Variants in NRXN3 observed in about 807,000 individuals in gnomAD.
NRXN3 encodes neurexin III.
A neutral mutation model predicts 137.6 loss-of-function variants in NRXN3; 32 were observed. The observed-to-expected ratio is 0.23, with a 90% CI of 0.18 to 0.31. The LOEUF (loss-of-function observed/expected upper bound fraction) is 0.31, where lower values mean the gene tolerates loss of function less well. Ranked by LOEUF, NRXN3 falls within the 10% of genes least tolerant of loss-of-function variation. The pLI, the probability that NRXN3 is intolerant of heterozygous loss-of-function variation, is 1.00. For synonymous variants in NRXN3, 798 were observed against 784.5 expected (o/e 1.02, Z -0.29); for missense variants, 1,574 against 2,062.5 (o/e 0.76, Z 4.59).
At chr14:79,050,925 T>C (rs2099640920) in intron 15 of NRXN3, among the ~76,000 whole-genome samples, 1 of 152,216 alleles carries the variant, frequency 6.6e-6, no homozygotes, top group Admixed American at 6.5e-5. Context: ...GCAGAGAGTC[T>C]AATAATAGCT....
intron 4 of NRXN3, among the ~76,000 whole-genome samples, chr14:78,627,026 T>A (rs915708051): frequency 9.2e-5 from 14 of 152,152 alleles, no homozygotes; most frequent in Non-Finnish European, 1.8e-4. Context: ...AATCCAATCT[T>A]CTTTAGCTTG....
intron 16 of NRXN3, among the ~76,000 whole-genome samples, chr14:79,557,549 T>G (rs969618755): frequency 1.3e-5 from 2 of 152,196 alleles, no homozygotes; most frequent in African/African-American, 4.8e-5. Context: ...CGTTTCCCAG[T>G]GCATATAAAA....
At chr14:79,631,431 C>G (rs1293277487) in intron 16 of NRXN3, among the ~76,000 whole-genome samples, 1 of 152,248 alleles carries the variant, frequency 6.6e-6, no homozygotes, top group Non-Finnish European at 1.5e-5. Flanking sequence ...GGCCTGCCCT[C>G]TGCTGGCGGG....
At chr14:78,554,557 C>T (rs1485625574) in intron 4 of NRXN3, among the ~76,000 whole-genome samples, 7 of 152,078 alleles carry the variant, frequency 4.6e-5, no homozygotes, top group Admixed American at 3.3e-4. Flanking sequence ...GAAAATCTGC[C>T]CTTCAAAGGA....
At chr14:78,837,042 A>AC (rs984724494) in intron 10 of NRXN3, among the ~76,000 whole-genome samples, 2 of 151,916 alleles carry the variant, frequency 1.3e-5, no homozygotes, top group African/African-American at 4.8e-5. Context: ...CCTACTGTCC[A>AC]CCCCCCATCC....
intron 15 of NRXN3, among the ~76,000 whole-genome samples, chr14:79,410,076 T>A (rs1232805045): frequency 6.6e-6 from 1 of 151,930 alleles, no homozygotes; most frequent in Non-Finnish European, 1.5e-5. Context: ...TGGCTTCCAT[T>A]TGCCCCTTAT....
intron 10 of NRXN3, among the ~76,000 whole-genome samples, chr14:78,867,276 G>A (rs1009562952): frequency 6.6e-6 from 1 of 152,084 alleles, no homozygotes; most frequent in Non-Finnish European, 1.5e-5. Context: ...TGGAACCCCA[G>A]GGTCTTGGTT....
rs5741998 is a variant in NRXN3 at position 79,719,402 on chromosome 14, G to GTATATATATGTGTGTATATATATATA, written c.4014+21474_4014+21475insGTGTGTATATATATATATATATATAT. Among the ~76,000 whole-genome samples the GTATATATATGTGTGTATATATATATA allele has an allele frequency of 8.4e-3, 1,190 of 142,224 alleles. 7 individuals carry two copies. Among genetic ancestry groups the GTATATATATGTGTGTATATATATATA allele is most frequent in the Non-Finnish European group, 0.014 (902 of 66,272 alleles). The allele number at this position is 142,224 out of a possible 152,430, so 93.3% of individuals were successfully genotyped here. On this transcript the variant is annotated intron_variant, in intron 19 of 20. Coordinates refer to ENST00000335750, the MANE Select transcript of NRXN3 (RefSeq NM_001330195.2). The stretch of plus-strand genomic sequence containing the variant: ...TATATGTGTGTGTATATATATGTGT[G>GTATATATATGTGTGTATATATATATA]TATATATATATATATATACCTTTCC...
At chr14:78,792,063 A>T (rs1175405179) in intron 8 of NRXN3, among the ~76,000 whole-genome samples, 1 of 152,050 alleles carries the variant, frequency 6.6e-6, no homozygotes, top group East Asian at 1.9e-4. Flanking sequence ...AAAAAAAGGA[A>T]AAAAAGCTTA....
chr14:78,863,307 G>C (rs1234611969), intron 10 of NRXN3, among the ~76,000 whole-genome samples: 2 of 152,166 alleles, frequency 1.3e-5, no homozygotes, highest in East Asian at 1.9e-4. Context: ...AGGAGCCTAC[G>C]TTTAGAGGTT....
chr14:78,771,742 T>C (rs61641493), intron 8 of NRXN3, among the ~76,000 whole-genome samples: 1,967 of 152,316 alleles, frequency 0.013, 41 homozygotes, highest in African/African-American at 0.044. Context: ...GTTTTTAGTT[T>C]GTCTGTAACA....
chr14:79,458,300 G>A (rs2096282906), intron 15 of NRXN3, among the ~76,000 whole-genome samples: 2 of 152,120 alleles, frequency 1.3e-5, no homozygotes, highest in South Asian at 4.1e-4. Context: ...TTGTGGTTAG[G>A]TTTCTTTTAT....
At chr14:78,737,706 T>C (rs992594841) in intron 8 of NRXN3, among the ~76,000 whole-genome samples, 3 of 152,190 alleles carry the variant, frequency 2.0e-5, no homozygotes, top group African/African-American at 7.2e-5. Context: ...GTGAGTTTAA[T>C]CACTGAAACT....
At chr14:79,648,576 A>T (rs927291260) in intron 16 of NRXN3, among the ~76,000 whole-genome samples, 3 of 135,598 alleles carry the variant, frequency 2.2e-5, no homozygotes, top group African/African-American at 7.4e-5. Context: ...ACTACTGGGA[A>T]AAATAATTAA....
intron 4 of NRXN3, among the ~76,000 whole-genome samples, chr14:78,309,959 C>G (rs1441168628): frequency 6.6e-6 from 1 of 152,066 alleles, no homozygotes; most frequent in Non-Finnish European, 1.5e-5. Flanking sequence ...TTACTGCTTC[C>G]TGGTAAAATA....
chr14:79,654,340 A>AACTT (rs2098494013), intron 16 of NRXN3, among the ~76,000 whole-genome samples: 1 of 152,068 alleles, frequency 6.6e-6, no homozygotes, highest in African/African-American at 2.4e-5. Context: ...TAAAAAAAAA[A>AACTT]ACTTAAAAAA....
chr14:79,411,380 C>T (rs747573305), intron 15 of NRXN3, among the ~76,000 whole-genome samples: 8 of 152,142 alleles, frequency 5.3e-5, no homozygotes, highest in Non-Finnish European at 1.0e-4. Context: ...CCACCCCCAA[C>T]CCTGCAATCA....
At chr14:78,451,125 T>C (rs965011951) in intron 4 of NRXN3, among the ~76,000 whole-genome samples, 1 of 152,122 alleles carries the variant, frequency 6.6e-6, no homozygotes, top group Non-Finnish European at 1.5e-5. Context: ...TGCTGCAGGG[T>C]CCTTGAGTCA....
intron 4 of NRXN3, among the ~76,000 whole-genome samples, chr14:78,576,779 G>C (rs148509680): frequency 1.3e-5 from 2 of 152,270 alleles, no homozygotes; most frequent in Non-Finnish European, 2.9e-5. Context: ...CAAAGGGAAG[G>C]GTGAAAACTT....
Sources: gnomAD v4.1 joint callset for allele counts (sites outside exome capture counted in the v4.1 genomes callset) on GRCh38, gnomAD v4.1.1 for gene constraint, MANE v1.5 for transcripts, NCBI Gene and HGNC (gene_info 2026-07-23, HGNC 2026-07-21) for gene names.